Variants in LYAR observed in about 807,000 individuals in gnomAD.
LYAR encodes Ly1 antibody reactive.
In LYAR, 37 loss-of-function variants were observed where a neutral mutation model predicts 45.2. That is an observed-to-expected ratio of 0.82 (90% CI 0.63 to 1.08). The LOEUF (loss-of-function observed/expected upper bound fraction) is 1.08, where lower values mean the gene tolerates loss of function less well. Ranked by LOEUF, LYAR falls within the 50% of genes least tolerant of loss-of-function variation. The pLI, the probability that LYAR is intolerant of heterozygous loss-of-function variation, is 0.00. For missense variants in LYAR, 493 were observed against 451.0 expected (o/e 1.09, Z -0.84); for synonymous variants, 176 against 155.1 (o/e 1.14, Z -1.00).
intron 4 of LYAR, among the ~76,000 whole-genome samples, chr4:4,280,633 C>T (rs1232740831): frequency 6.6e-6 from 1 of 152,110 alleles, no homozygotes. Context: ...TGCACCTCAA[C>T]CTTAGGGTCT....
intron 8 of LYAR, among the ~76,000 whole-genome samples, chr4:4,271,666 C>T (rs1289438715): frequency 4.6e-5 from 7 of 152,322 alleles, no homozygotes; most frequent in South Asian, 2.1e-4. Context: ...TCCACATCCT[C>T]GCCAGCATTA....
At chr4:4,269,800 C>G (rs1283705386) in intron 8 of LYAR, among the ~76,000 whole-genome samples, 2 of 152,160 alleles carry the variant, frequency 1.3e-5, no homozygotes, top group Non-Finnish European at 2.9e-5. Flanking sequence ...TAACATAGAC[C>G]TGAAATTTGC....
chr4:4,283,110 T>G (rs902765593), intron 3 of LYAR, among the ~76,000 whole-genome samples: 2 of 152,210 alleles, frequency 1.3e-5, no homozygotes, highest in African/African-American at 4.8e-5. Flanking sequence ...CCCTAGTCTT[T>G]TCTTTAACAT....
At chr4:4,289,832 G>C (rs764048591) in intron 1 of LYAR, 1 of 152,230 alleles carries the variant, frequency 6.6e-6, no homozygotes, top group Non-Finnish European at 1.5e-5. Flanking sequence ...CCAGGACGCC[G>C]GACCTTAAGT....
At position 4,281,827 on chromosome 4, in the gene LYAR, C is replaced by G. The variant is rs776343685; in HGVS notation, c.193G>C (p.Gly65Arg). The part of the protein sequence containing the change: ...DQKYGGKGYE[G>R]KTHKGDIKQQ... ...TTGATGTCGCCTTTGTGGGTTTTAC[C>G]TTCATAGCCTTTGCCACCATACTTC... is the stretch of plus-strand genomic sequence containing the variant. Residue 65 changes from glycine (G) to arginine (R), a missense_variant, in exon 4 of 10, where the codon GGT becomes CGT. Gly to Arg is a moderately radical substitution (Grantham distance 125). Coordinates refer to ENST00000343470, the MANE Select transcript of LYAR (RefSeq NM_017816.3). 8.7e-6 allele frequency: 14 copies of G among 1,614,056 alleles called. No individual in the cohort carries two copies. The highest frequency in any genetic ancestry group is 1.7e-6 in the Non-Finnish European group (2 of 1,180,034).
intron 8 of LYAR, among the ~76,000 whole-genome samples, chr4:4,271,147 C>T: frequency 6.6e-6 from 1 of 152,078 alleles, no homozygotes; most frequent in East Asian, 1.9e-4. Flanking sequence ...CCATCCCCAC[C>T]TCTCCCACAG....
intron 8 of LYAR, among the ~76,000 whole-genome samples, chr4:4,269,166 C>T (rs58276990): frequency 0.037 from 5,672 of 152,206 alleles, 209 homozygotes; most frequent in African/African-American, 0.09. Flanking sequence ...TCGGGGCCTG[C>T]AGAGCAACAC....
intron 2 of LYAR, 37 bp downstream of exon 2, chr4:4,286,482 A>G (rs1213290574): frequency 2.0e-5 from 3 of 152,168 alleles, no homozygotes; most frequent in Non-Finnish European, 4.4e-5. Flanking sequence ...GACAGCAAAC[A>G]TTGCCTAAAA....
rs1577212388 is a variant in LYAR, at chr4:4,274,328, G to T, written c.832+39C>A. On this transcript the variant is annotated intron_variant, in intron 7 of 9. Transcript: ENST00000343470. ...ATATCCCAAATTCACAGCTTTCCCG[G>T]TTTTCAGATGAATCCCAGAGCGTGA... 4 of 1,578,506 alleles carry T rather than the reference G, an allele frequency of 2.5e-6. No individual in the cohort carries two copies. The East Asian group carries it at 9.0e-5, about 36-fold the overall frequency.
At chr4:4,278,078 T>C (rs1269525351) in intron 6 of LYAR, among the ~76,000 whole-genome samples, 1 of 152,212 alleles carries the variant, frequency 6.6e-6, no homozygotes, top group East Asian at 1.9e-4. Context: ...GTTGAAGCAA[T>C]TTCAAATCTT....
At position 4,267,880 on chromosome 4, in the gene LYAR, C is replaced by T. The variant is rs758840922; in HGVS notation, c.*9G>A. ...GCAGAATGGATTCAATTTTTAAATA[C>T]ACAAATGTTCATTTCACAAGCTTGA... On this transcript the variant is annotated 3_prime_UTR_variant, in exon 10 of 10. Coordinates refer to ENST00000343470, the MANE Select transcript of LYAR (RefSeq NM_017816.3). The T allele has an allele frequency of 1.2e-6, 2 of 1,604,276 alleles. No individual in the cohort carries two copies. Among genetic ancestry groups the T allele is most frequent in the African/African-American group, 1.3e-5 (1 of 74,526 alleles).
chr4:4,267,966 G>T lies in LYAR; in HGVS notation c.1063C>A (p.Leu355Met). The change falls in exon 10 of 10, where the codon CTG becomes ATG. Residue 355 changes from leucine to methionine, a missense_variant. Leu to Met is a conservative substitution (Grantham distance 15, BLOSUM62 2). Coordinates refer to ENST00000343470, the MANE Select transcript of LYAR (RefSeq NM_017816.3). ...DEHHRSEEEL[L>M]VIFNKKISKN... ...CTGATTTTCTTGTTAAAGATGACCAGGAGTTCCTCTTCGGATCTGTGATGC... is the reference window on the plus strand; with the variant it reads ...CTGATTTTCTTGTTAAAGATGACCATGAGTTCCTCTTCGGATCTGTGATGC... 6.2e-7 allele frequency: 1 copy of T among 1,612,692 alleles called. No individual in the cohort carries two copies. The highest frequency in any genetic ancestry group is 8.5e-7 in the Non-Finnish European group (1 of 1,179,432).
intron 6 of LYAR, among the ~76,000 whole-genome samples, chr4:4,277,695 G>A (rs542226002): frequency 2.2e-4 from 34 of 152,282 alleles, no homozygotes; most frequent in Admixed American, 1.7e-3. Flanking sequence ...GGACCCGCAC[G>A]TGGTGCCTAT....
chr4:4,278,122 A>G (rs1420772753), intron 6 of LYAR, among the ~76,000 whole-genome samples: 1 of 152,244 alleles, frequency 6.6e-6, no homozygotes, highest in Non-Finnish European at 1.5e-5. Flanking sequence ...AACCTTAAAA[A>G]ATAGATGCCA....
intron 2 of LYAR, among the ~76,000 whole-genome samples, chr4:4,284,208 A>C (rs1024387222): frequency 6.6e-6 from 1 of 152,222 alleles, no homozygotes; most frequent in Non-Finnish European, 1.5e-5. Context: ...GAGGGTGTTA[A>C]ATCTTACTTT....
At chr4:4,279,821 A>G in intron 4 of LYAR, 72 bp from the exon 5 acceptor site, 1 of 1,000,776 alleles carries the variant, frequency 1.0e-6, no homozygotes. Flanking sequence ...GCCAATTGAA[A>G]AAGTCCTTGC....
At chr4:4,270,190 G>T (rs1169367701) in intron 8 of LYAR, among the ~76,000 whole-genome samples, 1 of 147,568 alleles carries the variant, frequency 6.8e-6, no homozygotes, top group Non-Finnish European at 1.5e-5. Flanking sequence ...GCAACAGTGA[G>T]ACCCTGTCTC....
Position 4,268,053 on chromosome 4 carries a change from A to G in LYAR, c.1006-30T>C, listed in dbSNP as rs765455141. 11 of 1,528,172 alleles carry G rather than the reference A, an allele frequency of 7.2e-6. No individual in the cohort carries two copies. In the South Asian group the frequency reaches 1.4e-4, roughly 20 times the overall value. The allele number at this position is 1,528,172 out of a possible 1,614,324, so 94.7% of individuals were successfully genotyped here. On this transcript the variant is annotated intron_variant, in intron 9 of 9. Transcript: ENST00000343470. ...ACAAAGAAAAACATCAAATGAGTGTATTTGACCTGGAAAATTATCTTAAAA... is the reference window on the plus strand; with the variant it reads ...ACAAAGAAAAACATCAAATGAGTGTGTTTGACCTGGAAAATTATCTTAAAA...
At chr4:4,289,356 A>T (rs897099766) in intron 1 of LYAR, among the ~76,000 whole-genome samples, 2 of 152,142 alleles carry the variant, frequency 1.3e-5, no homozygotes, top group South Asian at 2.1e-4. Context: ...GCACAGTGTG[A>T]GTAAGTCCCA....
Sources: allele counts gnomAD v4.1 joint callset (sites outside exome capture counted in the v4.1 genomes callset), GRCh38; gene constraint gnomAD v4.1.1; transcripts MANE v1.5; gene names NCBI Gene and HGNC (gene_info 2026-07-23, HGNC 2026-07-21).